Variants in PRICKLE1 observed in about 807,000 individuals in gnomAD.
PRICKLE1 encodes the protein prickle planar cell polarity protein 1.
In PRICKLE1, 14 loss-of-function variants were observed where a neutral mutation model predicts 70.2. That is an observed-to-expected ratio of 0.20 (90% confidence interval 0.13 to 0.31). The LOEUF (loss-of-function observed/expected upper bound fraction) is 0.31, where lower values mean the gene tolerates loss of function less well. Ranked by LOEUF, PRICKLE1 falls within the 10% of genes least tolerant of loss-of-function variation. The pLI is 1.00. For missense variants in PRICKLE1, 821 were observed against 1,026.2 expected (o/e 0.80, Z 2.73); for synonymous variants, 357 against 379.9 (o/e 0.94, Z 0.70).
At chr12:42,583,271 G>T (rs1940933751) in intron 1 of PRICKLE1, among the ~76,000 whole-genome samples, 1 of 151,930 alleles carries the variant, frequency 6.6e-6, no homozygotes, top group Non-Finnish European at 1.5e-5. Context: ...AGTTACTGTG[G>T]GTTTTGTCTC....
chr12:42,460,143 A>C lies in PRICKLE1; in HGVS notation c.2162T>G (p.Ile721Ser). The change falls in exon 8 of 8, where the codon ATC becomes AGC. Residue 721 changes from isoleucine to serine, a missense_variant. Transcript: ENST00000345127. Reference sequence around the variant, plus strand: ...ATCAGCATTCTGGATGTATGCTTGGATCTCCCGGGCACTTTTATTCTGTAT... The same window carrying C: ...ATCAGCATTCTGGATGTATGCTTGGCTCTCCCGGGCACTTTTATTCTGTAT... ...KFIQNKSARE[I>S]QAYIQNADLY... is the part of the protein sequence containing the mutation. 1 of 1,613,966 alleles carries C rather than the reference A, an allele frequency of 6.2e-7. No individual in the cohort carries two copies. The highest frequency in any genetic ancestry group is 8.5e-7 in the Non-Finnish European group (1 of 1,179,998).
intron 1 of PRICKLE1, among the ~76,000 whole-genome samples, chr12:42,489,533 C>T (rs1403793516): frequency 4.6e-5 from 7 of 150,698 alleles, no homozygotes; most frequent in East Asian, 4.0e-4. Flanking sequence ...TGGTGGCAGA[C>T]GACTTAATCC....
intron 1 of PRICKLE1, among the ~76,000 whole-genome samples, chr12:42,487,622 T>C (rs1158815819): frequency 6.6e-6 from 1 of 152,212 alleles, no homozygotes; most frequent in Non-Finnish European, 1.5e-5. Context: ...TATCTGTCAA[T>C]TACTATGTGA....
intron 1 of PRICKLE1, chr12:42,483,583 G>A (rs1938887272): frequency 6.6e-6 from 1 of 151,934 alleles, no homozygotes; most frequent in Non-Finnish European, 1.5e-5. Context: ...CCCCAGCAGG[G>A]TGGGGCAGCA....
chr12:42,460,746 A>T, intron 7 of PRICKLE1, 81 bp from the exon 8 acceptor site: 1 of 1,518,068 alleles, frequency 6.6e-7, no homozygotes, highest in Admixed American at 1.7e-5. Context: ...ACTGAAAGGA[A>T]ATATTTCAAA....
chr12:42,530,680 A>ATTTTTT (rs34675637), intron 1 of PRICKLE1, among the ~76,000 whole-genome samples: 27 of 97,110 alleles, frequency 2.8e-4, no homozygotes, highest in East Asian at 1.8e-3. Flanking sequence ...TTATCAAATA[A>ATTTTTT]TTTTTTTTTT....
intron 1 of PRICKLE1, among the ~76,000 whole-genome samples, chr12:42,555,071 G>A (rs535163573): frequency 6.6e-6 from 1 of 152,216 alleles, no homozygotes; most frequent in East Asian, 1.9e-4. Flanking sequence ...GGGAGGCCGA[G>A]GAGGGTGGAT....
intron 1 of PRICKLE1, among the ~76,000 whole-genome samples, chr12:42,502,528 C>T (rs902920620): frequency 2.4e-4 from 36 of 151,972 alleles, no homozygotes; most frequent in African/African-American, 8.0e-4. Context: ...CCAGGCTGAT[C>T]TTGAACTTGT....
At chr12:42,470,698 G>A (rs546780922) in intron 2 of PRICKLE1, among the ~76,000 whole-genome samples, 1 of 152,300 alleles carries the variant, frequency 6.6e-6, no homozygotes, top group Admixed American at 6.5e-5. Context: ...CTGAGGTCAG[G>A]AGTTCGAGAC....
intron 1 of PRICKLE1, among the ~76,000 whole-genome samples, chr12:42,581,513 G>T (rs1489434269): frequency 6.6e-6 from 1 of 152,038 alleles, no homozygotes; most frequent in Non-Finnish European, 1.5e-5. Flanking sequence ...GGGAGGGCGA[G>T]ACAGGTGGAT....
intron 1 of PRICKLE1, among the ~76,000 whole-genome samples, chr12:42,478,236 T>G (rs1938647355): frequency 6.6e-6 from 1 of 152,154 alleles, no homozygotes; most frequent in African/African-American, 2.4e-5. Context: ...TAAGGCAGAT[T>G]TATTGTCTTG....
intron 1 of PRICKLE1, among the ~76,000 whole-genome samples, chr12:42,551,409 C>T (rs186398591): frequency 2.0e-5 from 3 of 152,318 alleles, no homozygotes; most frequent in Admixed American, 2.0e-4. Flanking sequence ...TCCAAACAAA[C>T]TGACTTTGAA....
chr12:42,531,043 C>CTTTTT (rs141334021), intron 1 of PRICKLE1, among the ~76,000 whole-genome samples: 8 of 100,146 alleles, frequency 8.0e-5, no homozygotes, highest in Admixed American at 2.4e-4. Flanking sequence ...ATGTTAAGGG[C>CTTTTT]TTTTTTTTTT....
chr12:42,465,083 A>G lies in PRICKLE1; in HGVS notation c.951T>C (p.Ser317=), dbSNP rs1489328076. ...GAGCTGACTGAAATGCAGAGTCGGA[A>G]GAATCAGAGGCATGGACGTCTTCAC... is the stretch of plus-strand genomic sequence containing the variant. The part of the protein sequence containing the change: ...SLGEDVHASD[S]SDSAFQSARS... Residue 317 remains serine (S), a synonymous_variant, in exon 7 of 8, where the codon TCT becomes TCC. Transcript: ENST00000345127. 4 of 1,566,744 alleles carry G rather than the reference A, an allele frequency of 2.6e-6. No individual in the cohort carries two copies. The highest frequency in any genetic ancestry group is 3.4e-6 in the Non-Finnish European group (4 of 1,160,330).
At chr12:42,506,046 G>A (rs1939403610) in intron 1 of PRICKLE1, among the ~76,000 whole-genome samples, 1 of 152,096 alleles carries the variant, frequency 6.6e-6, no homozygotes, top group Non-Finnish European at 1.5e-5. Context: ...TCATTCATTA[G>A]TTGGTTAAGG....
chr12:42,537,505 A>C (rs1477325528), intron 1 of PRICKLE1, among the ~76,000 whole-genome samples: 1 of 152,138 alleles, frequency 6.6e-6, no homozygotes, highest in Non-Finnish European at 1.5e-5. Context: ...GGGAACAAAA[A>C]CCCAAACCAA....
At chr12:42,552,366 C>T (rs2120658653) in intron 1 of PRICKLE1, among the ~76,000 whole-genome samples, 1 of 152,218 alleles carries the variant, frequency 6.6e-6, no homozygotes, top group South Asian at 2.1e-4. Context: ...CCGTGCCAGG[C>T]CAAGAAAGTT....
At chr12:42,535,265 T>C (rs1010073205) in intron 1 of PRICKLE1, among the ~76,000 whole-genome samples, 3 of 152,192 alleles carry the variant, frequency 2.0e-5, no homozygotes, top group South Asian at 2.1e-4. Context: ...GAGAAAGACA[T>C]GCTGAAGAAG....
At chr12:42,571,607 G>A (rs1201004353) in intron 1 of PRICKLE1, among the ~76,000 whole-genome samples, 1 of 152,244 alleles carries the variant, frequency 6.6e-6, no homozygotes, top group Non-Finnish European at 1.5e-5. Flanking sequence ...AGACCCACCT[G>A]ATGGACGGGA....
Sources: gnomAD v4.1 joint callset for allele counts (sites outside exome capture counted in the v4.1 genomes callset) on GRCh38, gnomAD v4.1.1 for gene constraint, MANE v1.5 for transcripts, NCBI Gene and HGNC (gene_info 2026-07-23, HGNC 2026-07-21) for gene names.